Variants in SLC9D1 observed in about 807,000 individuals in gnomAD.
SLC9D1 encodes the protein solute carrier family 9 member D1.
chr13:113,527,829 C>T, the SLC9D1 span: 2 of 152,214 alleles, frequency 1.3e-5, no homozygotes, highest in Non-Finnish European at 2.9e-5. Flanking sequence ...TCCTGCGGGT[C>T]TCTGAGGCCT....
chr13:113,517,420 G>A, the SLC9D1 span, among the ~76,000 whole-genome samples: 1 of 152,074 alleles, frequency 6.6e-6, no homozygotes, highest in Non-Finnish European at 1.5e-5. Context: ...AGTAGAGACG[G>A]GGTTTCACCG....
chr13:113,538,186 T>C, the SLC9D1 span, among the ~76,000 whole-genome samples: 1 of 151,866 alleles, frequency 6.6e-6, no homozygotes, highest in East Asian at 1.9e-4. Flanking sequence ...TGGTGTGTGG[T>C]TTGTGTACGT....
the SLC9D1 span, chr13:113,549,617 G>A: frequency 3.1e-6 from 5 of 1,588,504 alleles, no homozygotes; most frequent in Non-Finnish European, 4.3e-6. Context: ...TGCTCCTTCT[G>A]GGAAGCTCGC....
chr13:113,495,888 C>G, the SLC9D1 span: 1 of 1,614,178 alleles, frequency 6.2e-7, no homozygotes, highest in Non-Finnish European at 8.5e-7. Context: ...CCAGAAAGAG[C>G]TGAATGAAAG....
the SLC9D1 span, among the ~76,000 whole-genome samples, chr13:113,523,788 G>T: frequency 6.6e-6 from 1 of 152,026 alleles, no homozygotes; most frequent in Admixed American, 6.5e-5. Context: ...CACTGTTTTA[G>T]CCGCATCTCA....
At chr13:113,498,975 G>T in the SLC9D1 span, among the ~76,000 whole-genome samples, 1 of 152,200 alleles carries the variant, frequency 6.6e-6, no homozygotes, top group African/African-American at 2.4e-5. Flanking sequence ...CTCCATAGGC[G>T]AGCAGCCCTG....
chr13:113,512,038 G>A, the SLC9D1 span: 2 of 145,888 alleles, frequency 1.4e-5, no homozygotes, highest in Admixed American at 1.4e-4. Flanking sequence ...GAGAGGGAGA[G>A]GGTTGGAGTG....
the SLC9D1 span, among the ~76,000 whole-genome samples, chr13:113,512,153 C>T: frequency 7.7e-6 from 1 of 129,584 alleles, no homozygotes; most frequent in Non-Finnish European, 1.6e-5. Context: ...TATATACACT[C>T]GGAGTCGCGG....
chr13:113,546,058 T>G, the SLC9D1 span, among the ~76,000 whole-genome samples: 1 of 152,064 alleles, frequency 6.6e-6, no homozygotes, highest in Non-Finnish European at 1.5e-5. The surrounding 1 kb of genome is among the most constrained non-coding windows in gnomAD (Gnocchi z 7.1). Flanking sequence ...GGTACCTGTG[T>G]GGCCGCGATG....
At chr13:113,520,823 C>A in the SLC9D1 span, 3 of 981,818 alleles carry the variant, frequency 3.1e-6, no homozygotes, top group South Asian at 1.4e-5. Context: ...AAGAGATGTT[C>A]TGAGCTCAGA....
the SLC9D1 span, among the ~76,000 whole-genome samples, chr13:113,530,985 G>A: frequency 5.5e-3 from 838 of 152,292 alleles, 6 homozygotes; most frequent in African/African-American, 0.019. Context: ...AGGTTGGGAA[G>A]TGGGGTACCT....
chr13:113,519,309 G>T, the SLC9D1 span, among the ~76,000 whole-genome samples: 1 of 150,440 alleles, frequency 6.6e-6, no homozygotes, highest in Non-Finnish European at 1.5e-5. Flanking sequence ...GCCTCCCAAA[G>T]TGCTGGGATT....
chr13:113,496,252 A>T, the SLC9D1 span, among the ~76,000 whole-genome samples: 25 of 152,328 alleles, frequency 1.6e-4, no homozygotes, highest in African/African-American at 5.5e-4. Flanking sequence ...CCTTTTGCAT[A>T]ATAGTGTAGC....
At chr13:113,512,552 C>G in the SLC9D1 span, among the ~76,000 whole-genome samples, 1 of 148,788 alleles carries the variant, frequency 6.7e-6, no homozygotes, top group African/African-American at 2.5e-5. Context: ...GGTCAGTGTA[C>G]ATAGACTCGG....
the SLC9D1 span, chr13:113,524,048 AT>A: frequency 4.0e-5 from 18 of 453,938 alleles, no homozygotes; most frequent in Non-Finnish European, 6.2e-5. Flanking sequence ...TCTGTGGTAA[AT>A]GCTCCAAAGT....
chr13:113,520,567 A>G, the SLC9D1 span: 12 of 1,330,032 alleles, frequency 9.0e-6, no homozygotes, highest in African/African-American at 1.8e-4. Flanking sequence ...TTGACTTTGG[A>G]TACTTTTGAG....
At chr13:113,501,633 CCCTT>C in the SLC9D1 span, 1 of 753,366 alleles carries the variant, frequency 1.3e-6, no homozygotes, top group Non-Finnish European at 2.2e-6. Context: ...TTTGTCTTCA[CCCTT>C]CATTCCCATC....
chr13:113,503,357 G>GAC, the SLC9D1 span: 167 of 508,884 alleles, frequency 3.3e-4, no homozygotes, highest in African/African-American at 2.0e-3. Context: ...GTGTGTGTGT[G>GAC]TGTGTGTGTG....
At chr13:113,536,838 G>A in the SLC9D1 span, among the ~76,000 whole-genome samples, 26 of 152,336 alleles carry the variant, frequency 1.7e-4, no homozygotes, top group African/African-American at 5.8e-4. Context: ...GCCTGTGGAG[G>A]TAGGGTTGCA....
Sources: gnomAD v4.1 joint callset for allele counts (sites outside exome capture counted in the v4.1 genomes callset) on GRCh38, gnomAD v4.1.1 for gene constraint, Gnocchi (gnomAD v3.1) non-coding constraint, MANE v1.5 for transcripts, NCBI Gene and HGNC (gene_info 2026-07-23, HGNC 2026-07-21) for gene names.